The following PEPD variants were observed in gnomAD, a reference collection of about 807,000 sequenced individuals.
The protein encoded by PEPD is peptidase D.
PEPD carries 53 observed loss-of-function variants against 60.7 expected under a neutral mutation model. That is an observed-to-expected ratio of 0.87 (90% CI 0.70 to 1.10). PEPD has a LOEUF of 1.10. PEPD is among the 50% of genes least tolerant of loss of function. PEPD has a pLI of 0.00. For synonymous variants in PEPD, 267 were observed against 284.1 expected (o/e 0.94, Z 0.60); for missense variants, 711 against 711.9 (o/e 1.00, Z 0.01).
intron 3 of PEPD, among the ~76,000 whole-genome samples, chr19:33,501,908 A>C (rs778803199): frequency 9.2e-5 from 14 of 152,060 alleles, no homozygotes; most frequent in Non-Finnish European, 1.5e-4. Flanking sequence ...AGTATTACTC[A>C]ATGTGATGAG....
At position 33,483,668 on chromosome 19, in the gene PEPD, G is replaced by A. The variant is rs376118180; in HGVS notation, c.504-5578C>T. Among the ~76,000 whole-genome samples, 329 of 152,142 alleles carry A rather than the reference G, an allele frequency of 2.2e-3. 1 individual carries two copies. The highest frequency in any genetic ancestry group is 0.02 in the South Asian group (95 of 4,816). Reference sequence around the variant, plus strand: ...CTACAAAAAATTTAAAAATTATCTGGGTGTGTTGGCGCACACCTATAGTCC... The same window carrying A: ...CTACAAAAAATTTAAAAATTATCTGAGTGTGTTGGCGCACACCTATAGTCC... On this transcript the variant is annotated intron_variant, in intron 6 of 14. Transcript: ENST00000244137.
At chr19:33,485,423 G>A (rs925629301) in intron 6 of PEPD, among the ~76,000 whole-genome samples, 1 of 150,412 alleles carries the variant, frequency 6.6e-6, no homozygotes, top group Non-Finnish European at 1.5e-5. Context: ...AATCTGGGAG[G>A]TGGAGGTTGC....
At chr19:33,413,479 T>G (rs1968822118) in intron 10 of PEPD, 96 bp downstream of exon 10, 1 of 745,344 alleles carries the variant, frequency 1.3e-6, no homozygotes, top group Admixed American at 2.0e-5. Flanking sequence ...AGTGAGCAAG[T>G]GTGGCTGAGC....
Position 33,512,766 on chromosome 19 carries a change from A to G in PEPD, c.28T>C (p.Trp10Arg). 2.5e-6 allele frequency: 4 copies of G among 1,614,040 alleles called. No individual in the cohort carries two copies. Among genetic ancestry groups the G allele is most frequent in the Non-Finnish European group, 3.4e-6 (4 of 1,179,970 alleles). The stretch of plus-strand genomic sequence containing the variant: ...ACCTTCAGGGTTTCATTCCCCAGCC[A>G]AAACGAGGGTCTGCAGAGGCAAGAG... MAAATGPSFWLGNETLKVPL... is the reference protein window; with the variant it reads MAAATGPSFRLGNETLKVPL... Residue 10 changes from tryptophan (W) to arginine (R), a missense_variant, in exon 2 of 15, where the codon TGG becomes CGG. By Grantham distance (101) the Trp-to-Arg change is moderately radical. Coordinates refer to ENST00000244137, the MANE Select transcript of PEPD (RefSeq NM_000285.4).
At chr19:33,396,480 C>A (rs1231526769) in intron 12 of PEPD, among the ~76,000 whole-genome samples, 2 of 152,208 alleles carry the variant, frequency 1.3e-5, no homozygotes, top group Non-Finnish European at 2.9e-5. Context: ...CACTTCTTTC[C>A]CCTCCTCTGA....
chr19:33,445,381 G>A (rs761897601), intron 9 of PEPD, among the ~76,000 whole-genome samples: 1 of 152,252 alleles, frequency 6.6e-6, no homozygotes, highest in Non-Finnish European at 1.5e-5. Flanking sequence ...CAGTGCCTCA[G>A]AATGTGACTA....
At chr19:33,458,226 T>C (rs1056159553) in intron 9 of PEPD, among the ~76,000 whole-genome samples, 2 of 151,038 alleles carry the variant, frequency 1.3e-5, no homozygotes, top group Admixed American at 6.6e-5. Context: ...GTGTATGTGG[T>C]GTGTGGCTGT....
intron 10 of PEPD, 136 bp downstream of exon 10, chr19:33,413,439 G>A (rs1273166552): frequency 3.1e-6 from 2 of 655,132 alleles, no homozygotes; most frequent in East Asian, 2.7e-5. Context: ...CGACTTCCAA[G>A]CTTGGGCCGG....
chr19:33,520,280 C>T (rs746818783), intron 1 of PEPD, among the ~76,000 whole-genome samples: 6 of 152,186 alleles, frequency 3.9e-5, no homozygotes, highest in Admixed American at 2.0e-4. Flanking sequence ...TGGGCACCAG[C>T]CTGCTCAGTC....
At chr19:33,444,012 G>A (rs1330553234) in intron 9 of PEPD, among the ~76,000 whole-genome samples, 1 of 152,184 alleles carries the variant, frequency 6.6e-6, no homozygotes. Flanking sequence ...CTCAGGCAGG[G>A]AGGGTGAGAA....
intron 9 of PEPD, among the ~76,000 whole-genome samples, chr19:33,443,249 T>C (rs1969519520): frequency 6.6e-6 from 1 of 152,346 alleles, no homozygotes; most frequent in South Asian, 2.1e-4. Flanking sequence ...GTCCCTGTGC[T>C]TCATTTTAAA....
intron 9 of PEPD, among the ~76,000 whole-genome samples, chr19:33,427,191 G>A (rs1969170178): frequency 6.6e-6 from 1 of 152,224 alleles, no homozygotes; most frequent in African/African-American, 2.4e-5. Flanking sequence ...GAGCAGCCTT[G>A]AGAAGAGGAG....
chr19:33,462,747 T>A (rs1005855450), intron 9 of PEPD, among the ~76,000 whole-genome samples: 2 of 151,876 alleles, frequency 1.3e-5, no homozygotes, highest in African/African-American at 2.4e-5. Flanking sequence ...AGTCCGAGAG[T>A]AGAATGGTGG....
At chr19:33,411,908 C>G (rs903473821) in intron 10 of PEPD, among the ~76,000 whole-genome samples, 159 bp from the exon 11 acceptor site, 1 of 152,198 alleles carries the variant, frequency 6.6e-6, no homozygotes, top group Non-Finnish European at 1.5e-5. Flanking sequence ...GAGGTAAGGC[C>G]GGGGGACATG....
chr19:33,468,638 C>T (rs866008910), intron 7 of PEPD, among the ~76,000 whole-genome samples: 7 of 152,362 alleles, frequency 4.6e-5, no homozygotes, highest in Middle Eastern at 3.4e-3. Flanking sequence ...GTCTCCGTGA[C>T]GCTGCACAGC....
At chr19:33,424,001 T>C (rs1402303452) in intron 9 of PEPD, among the ~76,000 whole-genome samples, 1 of 152,262 alleles carries the variant, frequency 6.6e-6, no homozygotes, top group Non-Finnish European at 1.5e-5. Context: ...TTTCTTTGCT[T>C]TCACTAACTG....
At chr19:33,461,073 G>A (rs1969916228) in intron 9 of PEPD, among the ~76,000 whole-genome samples, 1 of 152,206 alleles carries the variant, frequency 6.6e-6, no homozygotes, top group Non-Finnish European at 1.5e-5. Context: ...TGACATGAAG[G>A]AGTTACGGTT....
In PEPD at chr19:33,415,250, G is replaced by A. The variant is rs146331130; in HGVS notation, c.672-1607C>T. ...TCATTCTCGACGTGATGGCGACAGC[G>A]GACCTCTGTGGGACAAGTGACCTGC... On this transcript the variant is annotated intron_variant, in intron 9 of 14. Transcript: ENST00000244137. Among the ~76,000 whole-genome samples, 17 of 152,328 alleles carry A rather than the reference G, an allele frequency of 1.1e-4. No homozygotes were observed. In the East Asian group the frequency reaches 2.7e-3, roughly 24 times the overall value.
intron 7 of PEPD, among the ~76,000 whole-genome samples, chr19:33,476,771 C>G (rs1302116276): frequency 6.6e-6 from 1 of 152,190 alleles, no homozygotes; most frequent in African/African-American, 2.4e-5. Flanking sequence ...TCACACCATT[C>G]TCCTGCCTCA....
Sources: allele counts gnomAD v4.1 joint callset (sites outside exome capture counted in the v4.1 genomes callset), GRCh38; gene constraint gnomAD v4.1.1; transcripts MANE v1.5; gene names NCBI Gene and HGNC (gene_info 2026-07-23, HGNC 2026-07-21).